PARD3B: variants seen among roughly 807,000 people sequenced by gnomAD.
PARD3B encodes par-3 family cell polarity regulator beta.
In PARD3B, 103 loss-of-function variants were observed where a neutral mutation model predicts 130.2. The observed-to-expected ratio is 0.79, with a 90% CI of 0.67 to 0.93. The LOEUF (loss-of-function observed/expected upper bound fraction) is 0.93. PARD3B is among the 40% of genes least tolerant of loss of function. The pLI is 0.00. For synonymous variants in PARD3B, 583 were observed against 553.2 expected, an observed-to-expected ratio of 1.05 and a Z score of -0.76; for missense variants, 1,609 against 1,499.2, an observed-to-expected ratio of 1.07 and a Z score of -1.21.
chr2:205,029,200 AT>A, intron 3 of PARD3B, among the ~76,000 whole-genome samples: 1 of 152,184 alleles, frequency 6.6e-6, no homozygotes, highest in East Asian at 1.9e-4. Context: ...GGTTTTCATT[AT>A]TTTGCTGTGT....
intron 22 of PARD3B, among the ~76,000 whole-genome samples, chr2:205,560,377 T>C (rs538248027): frequency 1.1e-4 from 17 of 152,224 alleles, no homozygotes; most frequent in Non-Finnish European, 1.9e-4. Context: ...TCAATTCTTT[T>C]TTCCGTTCCC....
intron 2 of PARD3B, among the ~76,000 whole-genome samples, chr2:204,717,931 G>T (rs937094793): frequency 6.6e-6 from 1 of 152,160 alleles, no homozygotes; most frequent in African/African-American, 2.4e-5. Flanking sequence ...CATTTGTGAT[G>T]ACAGTTCTGC....
At chr2:205,398,308 A>AAAG (rs2046107642) in intron 18 of PARD3B, among the ~76,000 whole-genome samples, 1 of 151,722 alleles carries the variant, frequency 6.6e-6, no homozygotes. Context: ...TCTCAACAAA[A>AAAG]AAAGAAAGAA....
intron 2 of PARD3B, among the ~76,000 whole-genome samples, chr2:204,855,340 T>A (rs1163166241): frequency 6.6e-6 from 1 of 151,898 alleles, no homozygotes; most frequent in Non-Finnish European, 1.5e-5. Flanking sequence ...GTCAAGAGAT[T>A]GAGACCATCC....
chr2:204,921,704 T>C (rs995267995), intron 2 of PARD3B, among the ~76,000 whole-genome samples: 1 of 152,124 alleles, frequency 6.6e-6, no homozygotes, highest in Non-Finnish European at 1.5e-5. Flanking sequence ...TTTTCTGTTA[T>C]TGTTGGAGCA....
At position 205,550,404 on chromosome 2, in the gene PARD3B, T is replaced by G. The variant is rs1431985358; in HGVS notation, c.3181-2920T>G. On this transcript the variant is annotated intron_variant, in intron 21 of 22. Coordinates refer to ENST00000406610, the MANE Select transcript of PARD3B (RefSeq NM_001302769.2). The surrounding 1 kb of genome is among the most constrained non-coding windows in gnomAD (Gnocchi z 4.5). The stretch of plus-strand genomic sequence containing the variant: ...CATTGCTTTGAATACAGTGAATGAC[T>G]GCATTAATGATGTTGCAGTATCAAT... 2.0e-5 allele frequency among the ~76,000 whole-genome samples: 3 copies of G among 152,226 alleles called. No individual in the cohort carries two copies.
At chr2:205,254,088 T>TAAAAAAAAAAA (rs11287171) in intron 16 of PARD3B, among the ~76,000 whole-genome samples, 2 of 75,970 alleles carry the variant, frequency 2.6e-5, no homozygotes, top group African/African-American at 4.7e-5. Context: ...GTAGAGAAAT[T>TAAAAAAAAAAA]AAAAAAAAAA....
At chr2:205,246,710 T>G (rs2039588296) in intron 16 of PARD3B, among the ~76,000 whole-genome samples, 1 of 152,194 alleles carries the variant, frequency 6.6e-6, no homozygotes, top group Non-Finnish European at 1.5e-5. Flanking sequence ...CAGCAGTAAG[T>G]GGCCTTGATG....
chr2:205,116,222 T>G lies in PARD3B; in HGVS notation c.680+2645T>G, dbSNP rs535268988. On this transcript the variant is annotated intron_variant, in intron 6 of 22. Transcript: ENST00000406610. This position sits in a 1 kb window ranked among gnomAD's most constrained non-coding sequence, Gnocchi z 4.5. ...TTAAAATCAATGTGGTTTTTGTGAA[T>G]TAAAAACATGAAATCTAATTCGTTT... Among the ~76,000 whole-genome samples, 2 of 152,312 alleles carry G rather than the reference T, an allele frequency of 1.3e-5. No homozygotes were observed. Among genetic ancestry groups the G allele is most frequent in the South Asian group, 2.1e-4 (1 of 4,820 alleles).
intron 20 of PARD3B, among the ~76,000 whole-genome samples, chr2:205,442,642 C>G (rs1223811650): frequency 2.6e-5 from 4 of 152,108 alleles, no homozygotes; most frequent in Non-Finnish European, 4.4e-5. Context: ...GCCTAATATG[C>G]TGACATGCAT....
chr2:205,024,517 A>G (rs1055238483), intron 3 of PARD3B, among the ~76,000 whole-genome samples: 3 of 152,074 alleles, frequency 2.0e-5, no homozygotes, highest in African/African-American at 7.2e-5. Flanking sequence ...TAAATTTTTT[A>G]TTCCCAAATG....
chr2:205,368,873 A>C (rs948289754), intron 18 of PARD3B, among the ~76,000 whole-genome samples: 2 of 151,908 alleles, frequency 1.3e-5, no homozygotes, highest in Non-Finnish European at 2.9e-5. Context: ...AAAAAAAAAA[A>C]ACACCCCATA....
At chr2:205,113,379 T>A in intron 5 of PARD3B, 112 bp from the exon 6 acceptor site, 1 of 606,240 alleles carries the variant, frequency 1.6e-6, no homozygotes, top group Non-Finnish European at 2.8e-6. Flanking sequence ...TTAGTTGATA[T>A]AATCCTGAGC....
chr2:204,912,537 A>G (rs1489211427), intron 2 of PARD3B, among the ~76,000 whole-genome samples: 2 of 152,182 alleles, frequency 1.3e-5, no homozygotes, highest in Non-Finnish European at 2.9e-5. Flanking sequence ...TCAAATTTTA[A>G]AAGTGCGAAG....
chr2:205,195,409 A>G (rs2125812264), intron 15 of PARD3B, among the ~76,000 whole-genome samples: 1 of 152,324 alleles, frequency 6.6e-6, no homozygotes, highest in East Asian at 1.9e-4. Flanking sequence ...TCCAAGAAGT[A>G]CCAGGCTAAA....
chr2:205,567,304 GTTTTTTTTT>G (rs59171178), intron 22 of PARD3B, among the ~76,000 whole-genome samples: 16 of 56,374 alleles, frequency 2.8e-4, no homozygotes, highest in African/African-American at 9.6e-4. Flanking sequence ...AACATTCCTT[GTTTTTTTTT>G]TTTTTTTTTT....
intron 2 of PARD3B, among the ~76,000 whole-genome samples, chr2:204,918,944 T>G (rs1324248068): frequency 1.3e-5 from 2 of 152,090 alleles, no homozygotes; most frequent in African/African-American, 4.8e-5. Flanking sequence ...CAGTCTTCAT[T>G]TAAAACTAAC....
chr2:205,003,355 G>C (rs1159522265), intron 3 of PARD3B, among the ~76,000 whole-genome samples: 1 of 152,120 alleles, frequency 6.6e-6, no homozygotes, highest in Non-Finnish European at 1.5e-5. Flanking sequence ...ATTAGGAGAT[G>C]GACTTTTTTG....
At chr2:204,795,720 C>T (rs2042348139) in intron 2 of PARD3B, among the ~76,000 whole-genome samples, 1 of 152,112 alleles carries the variant, frequency 6.6e-6, no homozygotes, top group African/African-American at 2.4e-5. Flanking sequence ...AATATTTAAG[C>T]TCGTATTGAG....
Sources: allele counts gnomAD v4.1 joint callset (sites outside exome capture counted in the v4.1 genomes callset), GRCh38; gene constraint gnomAD v4.1.1; non-coding constraint Gnocchi (gnomAD v3.1); transcripts MANE v1.5; gene names NCBI Gene and HGNC (gene_info 2026-07-23, HGNC 2026-07-21).